ARHGEF18: variants seen among roughly 807,000 people sequenced by gnomAD.
ARHGEF18 encodes Rho/Rac guanine nucleotide exchange factor 18.
Under a neutral mutation model 155.7 loss-of-function variants are expected in ARHGEF18, and 93 were observed. That is an observed-to-expected ratio of 0.60 (90% CI 0.50 to 0.71). The LOEUF (loss-of-function observed/expected upper bound fraction) is 0.71, where lower values mean the gene tolerates loss of function less well. ARHGEF18 is among the 30% of genes least tolerant of loss of function. The probability of loss-of-function intolerance (pLI) is 0.00; values close to 1 mark genes in which losing one functional copy is unlikely to be tolerated. For synonymous variants in ARHGEF18, 742 were observed against 753.1 expected (o/e 0.99, Z 0.24); for missense variants, 1,593 against 1,816.1 (o/e 0.88, Z 2.23).
intron 1 of ARHGEF18, among the ~76,000 whole-genome samples, chr19:7,352,843 T>TTTTTTC (rs1969192788): frequency 9.0e-6 from 1 of 110,774 alleles, no homozygotes; most frequent in Non-Finnish European, 1.8e-5. Context: ...TTTTTTTTTT[T>TTTTTTC]TTTTTTTTTT....
rs1012296323 is a variant in ARHGEF18 at position 7,451,205 on chromosome 19, G to C, written c.1794G>C (p.Leu598=). Residue 598 remains leucine, a synonymous_variant, in exon 16 of 29, where the codon CTG becomes CTC. Transcript: ENST00000668164. ...RRLGVQECIL[L]VTQRITKYPV... Reference sequence around the variant, plus strand: ...TTGGCGTGCAGGAGTGCATTCTCCTGGTTACACAACGCATAACCAAATACC... The same window carrying C: ...TTGGCGTGCAGGAGTGCATTCTCCTCGTTACACAACGCATAACCAAATACC... 6.3e-7 allele frequency: 1 copy of C among 1,588,550 alleles called. No homozygotes were observed. The highest frequency in any genetic ancestry group is 1.7e-5 in the Admixed American group (1 of 57,240).
chr19:7,460,946 G>A (rs1433810482), intron 20 of ARHGEF18, among the ~76,000 whole-genome samples: 6 of 151,700 alleles, frequency 4.0e-5, no homozygotes, highest in African/African-American at 9.7e-5. Context: ...CCGCCACCAC[G>A]CCCCACTAAT....
At chr19:7,429,508 C>T (rs1208444613) in intron 10 of ARHGEF18, among the ~76,000 whole-genome samples, 5 of 152,112 alleles carry the variant, frequency 3.3e-5, no homozygotes, top group Admixed American at 6.6e-5. Context: ...GAGGCTTAGG[C>T]GGGAGAATTG....
chr19:7,356,748 C>T (rs1395938128), intron 1 of ARHGEF18, among the ~76,000 whole-genome samples: 3 of 152,178 alleles, frequency 2.0e-5, no homozygotes, highest in African/African-American at 4.8e-5. Flanking sequence ...ATGAGCGCCT[C>T]CTGGTCAGGC....
intron 10 of ARHGEF18, among the ~76,000 whole-genome samples, chr19:7,409,430 CTTTTT>C (rs55893809): frequency 1.7e-5 from 2 of 121,192 alleles, no homozygotes. Flanking sequence ...AATGAAGAGT[CTTTTT>C]TTTTTTTTTT....
chr19:7,367,844 A>ATATATG lies in ARHGEF18; in HGVS notation c.15+4944_15+4945insGTATAT, dbSNP rs1969980370. Among the ~76,000 whole-genome samples, 6 of 3,880 alleles carry ATATATG rather than the reference A, an allele frequency of 1.5e-3. 1 individual carries two copies. The highest frequency in any genetic ancestry group is 7.8e-4 in the Non-Finnish European group (1 of 1,276). The allele number at this position is 3,880 out of a possible 152,430, so 2.5% of individuals were successfully genotyped here. On this transcript the variant is annotated intron_variant, in intron 2 of 28. Transcript: ENST00000668164. ...ATATATATACACATATATATATTTT[A>ATATATG]TATATATATATACACATATATATTT... is the stretch of plus-strand genomic sequence containing the variant.
chr19:7,476,112 ACCAG>A (rs1305623592), downstream of ARHGEF18, among the ~76,000 whole-genome samples: 3 of 152,218 alleles, frequency 2.0e-5, no homozygotes, highest in Non-Finnish European at 2.9e-5. Flanking sequence ...GGAGTTCAAG[ACCAG>A]CCTGGGCAAT....
At chr19:7,384,497 G>T (rs1214089097) in intron 10 of ARHGEF18, among the ~76,000 whole-genome samples, 1 of 152,186 alleles carries the variant, frequency 6.6e-6, no homozygotes, top group Non-Finnish European at 1.5e-5. Context: ...CCTGCTTCAG[G>T]CGTGGGAATT....
intron 10 of ARHGEF18, among the ~76,000 whole-genome samples, chr19:7,434,829 C>A (rs1374472197): frequency 6.6e-6 from 1 of 152,176 alleles, no homozygotes; most frequent in South Asian, 2.1e-4. Flanking sequence ...ACAGACCATA[C>A]AATGCACCCA....
Position 7,425,286 on chromosome 19 carries a change from G to A in ARHGEF18, c.968-15058G>A, listed in dbSNP as rs1289755692. On this transcript the variant is annotated intron_variant, in intron 10 of 28. Transcript: ENST00000668164. ...TTCATTAAACAAGAGTAGGGCTCTG[G>A]CTTGGTCTTACACATTTAGAGAAAT... Among the ~76,000 whole-genome samples the A allele has an allele frequency of 4.6e-5, 7 of 152,150 alleles. No individual in the cohort carries two copies. In the East Asian group the frequency reaches 1.4e-3, roughly 29 times the overall value.
Position 7,395,443 on chromosome 19 carries a change from G to GC in ARHGEF18, c.967+12241dup, listed in dbSNP as rs1223715509. Among the ~76,000 whole-genome samples the GC allele has an allele frequency of 6.6e-6, 1 of 152,134 alleles. No individual in the cohort carries two copies. Among genetic ancestry groups the GC allele is most frequent in the Non-Finnish European group, 1.5e-5 (1 of 67,992 alleles). On this transcript the variant is annotated intron_variant, in intron 10 of 28. Transcript: ENST00000668164. This position sits in a 1 kb window ranked among gnomAD's most constrained non-coding sequence, Gnocchi z 5.0. Reference sequence around the variant, plus strand: ...CTTCAATGCATGGAGGCTCTAGGCGGCGATTGCAGGGTGCAGAGGTGCAGA... The same window carrying GC: ...CTTCAATGCATGGAGGCTCTAGGCGGCCGATTGCAGGGTGCAGAGGTGCAGA...
intron 17 of ARHGEF18, among the ~76,000 whole-genome samples, chr19:7,455,400 G>A (rs938725474): frequency 7.2e-5 from 11 of 152,234 alleles, no homozygotes; most frequent in Non-Finnish European, 1.6e-4. Flanking sequence ...TTAGACAGGG[G>A]TGTTGGAAGC....
At chr19:7,456,234 C>G in intron 17 of ARHGEF18, 93 bp from the exon 18 acceptor site, 2 of 1,130,308 alleles carry the variant, frequency 1.8e-6, no homozygotes, top group Non-Finnish European at 2.7e-6. Flanking sequence ...ATGCTGCTTA[C>G]ACCTTCCTGG....
At chr19:7,385,881 TCTCTCCCTCCCTCC>T (rs1568285835) in intron 10 of ARHGEF18, among the ~76,000 whole-genome samples, 401 of 32,202 alleles carry the variant, frequency 0.012, 14 homozygotes, top group South Asian at 0.028. Flanking sequence ...CCCCCCTCCC[TCTCTCCCTCCCTCC>T]CTCTCTCTCT....
chr19:7,349,987 T>A (rs1323626402), intron 1 of ARHGEF18, among the ~76,000 whole-genome samples: 2 of 152,118 alleles, frequency 1.3e-5, no homozygotes, highest in Non-Finnish European at 2.9e-5. Flanking sequence ...AAGGGTCTTG[T>A]CCTGATCTGA....
downstream of ARHGEF18, among the ~76,000 whole-genome samples, chr19:7,473,538 G>A (rs572022837): frequency 4.6e-5 from 7 of 152,048 alleles, no homozygotes; most frequent in East Asian, 9.7e-4. Flanking sequence ...TTGGCCGGGC[G>A]CAGTGGCTCA....
intron 10 of ARHGEF18, among the ~76,000 whole-genome samples, chr19:7,398,417 C>T (rs557801432): frequency 2.0e-5 from 3 of 152,046 alleles, no homozygotes; most frequent in African/African-American, 2.4e-5. Context: ...GAAAAGAGAC[C>T]GGGCACCATG....
chr19:7,393,913 GT>G (rs968033839), intron 10 of ARHGEF18, among the ~76,000 whole-genome samples: 1 of 150,950 alleles, frequency 6.6e-6, no homozygotes, highest in Non-Finnish European at 1.5e-5. Flanking sequence ...GGGTGCCTGT[GT>G]TTAGGGGATC....
At chr19:7,381,259 G>GA (rs1263048447) in intron 8 of ARHGEF18, among the ~76,000 whole-genome samples, 3 of 150,578 alleles carry the variant, frequency 2.0e-5, no homozygotes, top group African/African-American at 2.4e-5. Flanking sequence ...AAGGATGAAG[G>GA]AAAAAAAAAG....
Sources: allele counts gnomAD v4.1 joint callset (sites outside exome capture counted in the v4.1 genomes callset), GRCh38; gene constraint gnomAD v4.1.1; non-coding constraint Gnocchi (gnomAD v3.1); transcripts MANE v1.5; gene names NCBI Gene and HGNC (gene_info 2026-07-23, HGNC 2026-07-21).